PCDHGB3: variants seen among roughly 807,000 people sequenced by gnomAD.
The protein encoded by PCDHGB3 is protocadherin gamma subfamily B, 3.
In PCDHGB3, 40 loss-of-function variants were observed where a neutral mutation model predicts 59.2. The ratio of observed to expected loss-of-function variants is 0.68; its 90% CI spans 0.52 to 0.88. The LOEUF (loss-of-function observed/expected upper bound fraction) is 0.88. PCDHGB3 is among the 40% of genes least tolerant of loss of function. The pLI is 0.00. For synonymous variants in PCDHGB3, 581 were observed against 503.6 expected, an observed-to-expected ratio of 1.15 and a Z score of -2.06; for missense variants, 1,309 against 1,187.9, an observed-to-expected ratio of 1.10 and a Z score of -1.50.
At position 141,477,213 on chromosome 5, in the gene PCDHGB3, C is replaced by G; in HGVS notation, c.2416-17594C>G. ...TACAGCCCAGTACCCGAGGATGCCC[C>G]TCTGGGGACTGTCATCGCTTTGCTC... is the stretch of plus-strand genomic sequence containing the variant. On this transcript the variant is annotated intron_variant, in intron 1 of 3. Coordinates refer to ENST00000576222, the MANE Select transcript of PCDHGB3 (RefSeq NM_018924.5). The surrounding 1 kb of genome is among the most constrained non-coding windows in gnomAD (Gnocchi z 4.9). 6.2e-7 allele frequency: 1 copy of G among 1,614,184 alleles called. No individual in the cohort carries two copies.
chr5:141,464,769 T>C (rs2154568595), intron 1 of PCDHGB3, among the ~76,000 whole-genome samples: 1 of 152,328 alleles, frequency 6.6e-6, no homozygotes. Flanking sequence ...ACAGGAATCT[T>C]GTTCTGTTGC....
chr5:141,410,849 C>CTTTTTTTTCTTTTT (rs2095433387), intron 1 of PCDHGB3: 1 of 129,786 alleles, frequency 7.7e-6, no homozygotes, highest in African/African-American at 6.0e-5. Flanking sequence ...TTGTCTTTGT[C>CTTTTTTTTCTTTTT]TTTTTTTTTT....
chr5:141,399,744 C>G (rs544697703), intron 1 of PCDHGB3: 1 of 1,613,320 alleles, frequency 6.2e-7, no homozygotes, highest in African/African-American at 1.3e-5. Context: ...CTGCGCTCAG[C>G]GCAAACGTGA....
At chr5:141,398,811 C>G in intron 1 of PCDHGB3, 1 of 1,613,980 alleles carries the variant, frequency 6.2e-7, no homozygotes. Context: ...CCACTGAGCT[C>G]CGGATCCAGG....
Position 141,372,231 on chromosome 5 carries a change from G to C in PCDHGB3, c.1837G>C (p.Glu613Gln), listed in dbSNP as rs868293386. ...GTCCTACCACATTGTGCAGGCCAGCGAGCCCGGGCTGTTCAGCCTGGGCCT... is the reference window on the plus strand; with the variant it reads ...GTCCTACCACATTGTGCAGGCCAGCCAGCCCGGGCTGTTCAGCCTGGGCCT... ...WLSYHIVQAS[E>Q]PGLFSLGLRT... Residue 613 changes from glutamate to glutamine, a missense_variant, in exon 1 of 4, where the codon GAG becomes CAG. Transcript: ENST00000576222. 4 of 1,613,256 alleles carry C rather than the reference G, an allele frequency of 2.5e-6. No homozygotes were observed. Among genetic ancestry groups the C allele is most frequent in the Non-Finnish European group, 3.4e-6 (4 of 1,179,846 alleles).
chr5:141,486,552 A>C lies in PCDHGB3; in HGVS notation c.2416-8255A>C. The C allele has an allele frequency of 6.2e-7, 1 of 1,614,136 alleles. No individual in the cohort carries two copies. The highest frequency in any genetic ancestry group is 1.1e-5 in the South Asian group (1 of 91,082). On this transcript the variant is annotated intron_variant, in intron 1 of 3. Coordinates refer to ENST00000576222, the MANE Select transcript of PCDHGB3 (RefSeq NM_018924.5). This position sits in a 1 kb window ranked among gnomAD's most constrained non-coding sequence, Gnocchi z 5.0. The stretch of plus-strand genomic sequence containing the variant: ...CCACCCTCTTTCTTTCAGAGGTCAC[A>C]TGAGGTGTTTGTTCCTGAGAACAAT...
intron 1 of PCDHGB3, chr5:141,421,546 A>C: frequency 6.2e-7 from 1 of 1,614,014 alleles, no homozygotes; most frequent in Non-Finnish European, 8.5e-7. Context: ...TTTTTTAAAT[A>C]TGGAACTTCT....
Position 141,477,256 on chromosome 5 carries a change from T to G in PCDHGB3, c.2416-17551T>G. 2 of 1,614,210 alleles carry G rather than the reference T, an allele frequency of 1.2e-6. No homozygotes were observed. The highest frequency in any genetic ancestry group is 1.7e-6 in the Non-Finnish European group (2 of 1,180,038). On this transcript the variant is annotated intron_variant, in intron 1 of 3. Coordinates refer to ENST00000576222, the MANE Select transcript of PCDHGB3 (RefSeq NM_018924.5). This position sits in a 1 kb window ranked among gnomAD's most constrained non-coding sequence, Gnocchi z 4.9. Reference sequence around the variant, plus strand: ...CTTTGCTCAGTGTGACTGACCTGGATGCTGGCGAGAACGGGCTGGTGACCT... The same window carrying G: ...CTTTGCTCAGTGTGACTGACCTGGAGGCTGGCGAGAACGGGCTGGTGACCT...
chr5:141,374,117 G>A (rs750762308), intron 1 of PCDHGB3: 9 of 1,587,566 alleles, frequency 5.7e-6, no homozygotes, highest in Non-Finnish European at 7.7e-6. Context: ...GCAGCGCAGC[G>A]AGCAGGTCCT....
chr5:141,399,036 G>A, intron 1 of PCDHGB3: 1 of 1,613,800 alleles, frequency 6.2e-7, no homozygotes, highest in African/African-American at 1.3e-5. Context: ...AAAAGAAACT[G>A]GATTTTGAAG....
At chr5:141,456,051 C>T (rs1592410743) in intron 1 of PCDHGB3, among the ~76,000 whole-genome samples, 1 of 151,998 alleles carries the variant, frequency 6.6e-6, no homozygotes, top group Non-Finnish European at 1.5e-5. Context: ...GCGCCCACCA[C>T]CACGTCCGGC....
chr5:141,378,005 T>G (rs1425146532), intron 1 of PCDHGB3: 7 of 152,232 alleles, frequency 4.6e-5, no homozygotes, highest in Admixed American at 4.6e-4. Flanking sequence ...TTGGCTCAAA[T>G]AAGCTCTACT....
At chr5:141,409,388 T>C in intron 1 of PCDHGB3, 1 of 1,614,018 alleles carries the variant, frequency 6.2e-7, no homozygotes, top group Non-Finnish European at 8.5e-7. Flanking sequence ...CAAGATTTAT[T>C]CTTCTTCCAA....
chr5:141,431,296 C>T lies in PCDHGB3; in HGVS notation c.2415+58487C>T, dbSNP rs2097358592. On this transcript the variant is annotated intron_variant, in intron 1 of 3. Transcript: ENST00000576222. The surrounding 1 kb of genome is among the most constrained non-coding windows in gnomAD (Gnocchi z 4.8). ...AGCTCAGCCCGAACACTCACTTCTC[C>T]CTCATCGTGCAAAATGGAGCCGACG... The T allele has an allele frequency of 1.9e-6, 3 of 1,614,018 alleles. No individual in the cohort carries two copies. Among genetic ancestry groups the T allele is most frequent in the Non-Finnish European group, 2.5e-6 (3 of 1,180,048 alleles).
At position 141,486,994 on chromosome 5, in the gene PCDHGB3, C is replaced by G. The variant is rs779792543; in HGVS notation, c.2416-7813C>G. ...ATTCAGGTTACAATGCTTGGGTTTC[C>G]TATCAGCTCCTGGAGGCCCCAGATC... On this transcript the variant is annotated intron_variant, in intron 1 of 3. Coordinates refer to ENST00000576222, the MANE Select transcript of PCDHGB3 (RefSeq NM_018924.5). The surrounding 1 kb of genome is among the most constrained non-coding windows in gnomAD (Gnocchi z 5.0). 3 of 1,614,214 alleles carry G rather than the reference C, an allele frequency of 1.9e-6. No individual in the cohort carries two copies. Among genetic ancestry groups the G allele is most frequent in the Admixed American group, 1.7e-5 (1 of 60,030 alleles).
Position 141,432,226 on chromosome 5 carries a change from T to C in PCDHGB3, c.2415+59417T>C. On this transcript the variant is annotated intron_variant, in intron 1 of 3. Coordinates refer to ENST00000576222, the MANE Select transcript of PCDHGB3 (RefSeq NM_018924.5). The surrounding 1 kb of genome is among the most constrained non-coding windows in gnomAD (Gnocchi z 6.0). ...GTGAAGAGAACGCCCAGATCACTTATTCCCTGGCTGAGAACACCATCCAAG... is the reference window on the plus strand; with the variant it reads ...GTGAAGAGAACGCCCAGATCACTTACTCCCTGGCTGAGAACACCATCCAAG... 4 of 1,614,198 alleles carry C rather than the reference T, an allele frequency of 2.5e-6. No individual in the cohort carries two copies. The highest frequency in any genetic ancestry group is 3.4e-6 in the Non-Finnish European group (4 of 1,180,028).
rs749221752 is a variant in PCDHGB3 at position 141,432,670 on chromosome 5, G to T, written c.2415+59861G>T. ...CGCGAGCCCTGCTGGACAGAGACGCGCTCAAGCAGAGCCTCGTAGTGGCCG... is the reference window on the plus strand; with the variant it reads ...CGCGAGCCCTGCTGGACAGAGACGCTCTCAAGCAGAGCCTCGTAGTGGCCG... On this transcript the variant is annotated intron_variant, in intron 1 of 3. Coordinates refer to ENST00000576222, the MANE Select transcript of PCDHGB3 (RefSeq NM_018924.5). This position sits in a 1 kb window ranked among gnomAD's most constrained non-coding sequence, Gnocchi z 6.0. 7 of 1,613,750 alleles carry T rather than the reference G, an allele frequency of 4.3e-6. No homozygotes were observed. The African/African-American group carries it at 5.3e-5, about 12-fold the overall frequency.
chr5:141,384,217 A>G lies in PCDHGB3; in HGVS notation c.2415+11408A>G, dbSNP rs1026607669. 6 of 1,613,776 alleles carry G rather than the reference A, an allele frequency of 3.7e-6. No homozygotes were observed. The African/African-American group carries it at 8.0e-5, about 22-fold the overall frequency. On this transcript the variant is annotated intron_variant, in intron 1 of 3. Coordinates refer to ENST00000576222, the MANE Select transcript of PCDHGB3 (RefSeq NM_018924.5). The stretch of plus-strand genomic sequence containing the variant: ...CTTGTCCAGGGAAACTCACATATTC[A>G]TGCAGGTGGCAGACACCAACGATAA...
chr5:141,376,643 A>T, intron 1 of PCDHGB3: 1 of 1,013,992 alleles, frequency 9.9e-7, no homozygotes, highest in Non-Finnish European at 1.4e-6. Context: ...GATTTTGTAA[A>T]GTGGAAGACT....
Sources: allele counts gnomAD v4.1 joint callset (sites outside exome capture counted in the v4.1 genomes callset), GRCh38; gene constraint gnomAD v4.1.1; non-coding constraint Gnocchi (gnomAD v3.1); transcripts MANE v1.5; gene names NCBI Gene and HGNC (gene_info 2026-07-23, HGNC 2026-07-21).